FBXL17: variants seen among roughly 807,000 people sequenced by gnomAD.
FBXL17 encodes the protein F-box/LRR-repeat protein 17.
Under a neutral mutation model 66.2 loss-of-function variants are expected in FBXL17, and 22 were observed. The observed-to-expected ratio is 0.33, with a 90% CI of 0.24 to 0.47. The LOEUF is 0.47. Among genes scored for constraint, FBXL17 ranks in the 20% least tolerant of loss-of-function variants. FBXL17 has a pLI of 1.00. For synonymous variants in FBXL17, 474 were observed against 400.5 expected (o/e 1.18, Z -2.19); for missense variants, 878 against 948.2 (o/e 0.93, Z 0.97).
intron 6 of FBXL17, among the ~76,000 whole-genome samples, chr5:108,174,748 CAAAAAA>C (rs34237156): frequency 1.1e-5 from 1 of 92,532 alleles, no homozygotes; most frequent in Non-Finnish European, 2.0e-5. Context: ...CACAAAGAAG[CAAAAAA>C]AAAAAAAAAA....
intron 3 of FBXL17, among the ~76,000 whole-genome samples, chr5:108,352,660 G>A (rs1747727777): frequency 2.6e-5 from 4 of 151,780 alleles, no homozygotes; most frequent in Admixed American, 6.6e-5. Flanking sequence ...ACAGGCACCC[G>A]CCATGACTCC....
intron 6 of FBXL17, among the ~76,000 whole-genome samples, chr5:108,165,819 T>C (rs545762532): frequency 6.6e-6 from 1 of 152,366 alleles, no homozygotes; most frequent in East Asian, 1.9e-4. Context: ...CAAGTGGCAG[T>C]GTTTATTAAT....
At chr5:108,232,644 G>A (rs947489452) in intron 4 of FBXL17, among the ~76,000 whole-genome samples, 1 of 150,970 alleles carries the variant, frequency 6.6e-6, no homozygotes, top group African/African-American at 2.4e-5. Context: ...CTCCCGTGCT[G>A]GATGCTACCT....
At chr5:107,966,257 G>T (rs192459047) in intron 7 of FBXL17, among the ~76,000 whole-genome samples, 3 of 152,028 alleles carry the variant, frequency 2.0e-5, no homozygotes, top group African/African-American at 4.8e-5. Flanking sequence ...CTGACTATCT[G>T]TATTTTGGAG....
intron 7 of FBXL17, among the ~76,000 whole-genome samples, chr5:107,890,788 T>C (rs968230927): frequency 9.2e-5 from 14 of 151,996 alleles, no homozygotes; most frequent in South Asian, 2.1e-4. Flanking sequence ...CCAATAAACA[T>C]TGTAAAAGTA....
intron 6 of FBXL17, among the ~76,000 whole-genome samples, chr5:108,042,986 A>C (rs1012191398): frequency 1.3e-5 from 2 of 152,206 alleles, no homozygotes; most frequent in Non-Finnish European, 2.9e-5. Context: ...GGCTAAAGAC[A>C]GTGAACATCT....
chr5:108,005,167 A>G (rs1430185556), intron 7 of FBXL17, among the ~76,000 whole-genome samples: 13 of 149,042 alleles, frequency 8.7e-5, no homozygotes, highest in Admixed American at 8.7e-4. Flanking sequence ...ATTCTGGGTG[A>G]TTTTGCTGCC....
At chr5:108,055,348 C>T (rs1747660045) in intron 6 of FBXL17, among the ~76,000 whole-genome samples, 1 of 140,720 alleles carries the variant, frequency 7.1e-6, no homozygotes, top group South Asian at 2.3e-4. Context: ...GTGGCTCATG[C>T]CTGTAATCCC....
intron 6 of FBXL17, among the ~76,000 whole-genome samples, chr5:108,116,951 T>C (rs1750282523): frequency 1.3e-5 from 2 of 152,132 alleles, no homozygotes; most frequent in South Asian, 4.1e-4. Context: ...GTGAAAATAA[T>C]TTTCATAATT....
intron 6 of FBXL17, among the ~76,000 whole-genome samples, chr5:108,073,473 T>TA (rs767322521): frequency 6.6e-6 from 1 of 151,426 alleles, no homozygotes; most frequent in Non-Finnish European, 1.5e-5. Flanking sequence ...CAAATTGAAG[T>TA]AAAAAACCAT....
chr5:108,030,092 T>C (rs1754979805), intron 6 of FBXL17, among the ~76,000 whole-genome samples: 1 of 152,162 alleles, frequency 6.6e-6, no homozygotes, highest in Non-Finnish European at 1.5e-5. Flanking sequence ...TCTTAACAAA[T>C]ATATTTTTTC....
intron 4 of FBXL17, among the ~76,000 whole-genome samples, chr5:108,273,601 C>T (rs561597625): frequency 6.6e-6 from 1 of 151,360 alleles, no homozygotes; most frequent in Non-Finnish European, 1.5e-5. Flanking sequence ...GGCAAATGTA[C>T]AGCCCTAAAT....
chr5:107,996,585 A>C (rs1214777140), intron 7 of FBXL17, among the ~76,000 whole-genome samples: 1 of 152,226 alleles, frequency 6.6e-6, no homozygotes, highest in Non-Finnish European at 1.5e-5. Context: ...AAGTGTTGGG[A>C]ATACAGGCAT....
intron 8 of FBXL17, chr5:107,878,553 C>A (rs1010065505): frequency 1.0e-6 from 1 of 956,978 alleles, no homozygotes; most frequent in Admixed American, 6.2e-5. Flanking sequence ...AGATCTGAAC[C>A]TGAACTCTGG....
chr5:108,044,870 C>T (rs35498232), intron 6 of FBXL17, among the ~76,000 whole-genome samples: 27,743 of 151,916 alleles, frequency 0.18, 3,296 homozygotes, highest in Non-Finnish European at 0.25. Context: ...GTTGTGGTAG[C>T]TTGTGTTTTT....
At chr5:108,179,281 GAGA>G in intron 6 of FBXL17, among the ~76,000 whole-genome samples, 1 of 152,228 alleles carries the variant, frequency 6.6e-6, no homozygotes, top group South Asian at 2.1e-4. Context: ...TAAACATCCA[GAGA>G]AGATCAGGGG....
At chr5:108,350,611 A>G (rs1272050754) in intron 3 of FBXL17, among the ~76,000 whole-genome samples, 1 of 152,246 alleles carries the variant, frequency 6.6e-6, no homozygotes, top group Admixed American at 6.5e-5. Context: ...TAAACTTCAT[A>G]GAAAGGATTA....
intron 6 of FBXL17, among the ~76,000 whole-genome samples, chr5:108,036,151 T>C (rs1211051403): frequency 6.6e-6 from 1 of 152,176 alleles, no homozygotes; most frequent in African/African-American, 2.4e-5. Context: ...GTTTTTTTTG[T>C]TGCTGTTCAA....
At chr5:108,166,957 A>C (rs1752437267) in intron 6 of FBXL17, among the ~76,000 whole-genome samples, 2 of 152,236 alleles carry the variant, frequency 1.3e-5, no homozygotes, top group African/African-American at 4.8e-5. Context: ...CTATTAAAAT[A>C]TGTTTGGATG....
Sources: gnomAD v4.1 joint callset for allele counts (sites outside exome capture counted in the v4.1 genomes callset) on GRCh38, gnomAD v4.1.1 for gene constraint, MANE v1.5 for transcripts, NCBI Gene and HGNC (gene_info 2026-07-23, HGNC 2026-07-21) for gene names.